The following BMP2K variants were observed in gnomAD, a reference collection of about 807,000 sequenced individuals.
BMP2K encodes BMP2 inducible kinase, also known as BMP-2-inducible protein kinase.
BMP2K carries 74 observed loss-of-function variants against 116.0 expected under a neutral mutation model. The observed-to-expected ratio is 0.64, with a 90% CI of 0.53 to 0.77. The LOEUF is 0.77. Among genes scored for constraint, BMP2K ranks in the 30% least tolerant of loss-of-function variants. The pLI is 0.00. For missense variants in BMP2K, 1,365 were observed against 1,403.6 expected, an observed-to-expected ratio of 0.97 and a Z score of 0.44; for synonymous variants, 486 against 502.5, an observed-to-expected ratio of 0.97 and a Z score of 0.44.
At chr4:78,819,058 A>G (rs980398614) in intron 1 of BMP2K, among the ~76,000 whole-genome samples, 1 of 152,166 alleles carries the variant, frequency 6.6e-6, no homozygotes. Context: ...ATGCCTGGTA[A>G]GTGAGTAGGC....
intron 1 of BMP2K, among the ~76,000 whole-genome samples, chr4:78,794,405 A>G (rs1164391528): frequency 6.6e-6 from 1 of 152,198 alleles, no homozygotes; most frequent in Non-Finnish European, 1.5e-5. Flanking sequence ...GTGGGAAAAT[A>G]TTCTGAATAC....
intron 14 of BMP2K, 75 bp downstream of exon 14, chr4:78,878,966 C>G: frequency 6.5e-7 from 1 of 1,545,472 alleles, no homozygotes; most frequent in Non-Finnish European, 8.7e-7. Flanking sequence ...AGGCCAAAGA[C>G]TTTTGAGAAT....
At chr4:78,898,049 C>T (rs1733796599) in intron 15 of BMP2K, among the ~76,000 whole-genome samples, 1 of 152,028 alleles carries the variant, frequency 6.6e-6, no homozygotes, top group Non-Finnish European at 1.5e-5. Flanking sequence ...TGGTTAAGCC[C>T]TGAGAAATGA....
At chr4:78,869,665 A>G (rs1349273793) in intron 10 of BMP2K, among the ~76,000 whole-genome samples, 3 of 152,218 alleles carry the variant, frequency 2.0e-5, no homozygotes, top group African/African-American at 4.8e-5. Flanking sequence ...CAATTAAAAA[A>G]TAAAAATTTT....
chr4:78,861,365 A>T (rs1480801100), intron 8 of BMP2K, 24 bp from the exon 9 acceptor site: 3 of 1,555,018 alleles, frequency 1.9e-6, no homozygotes, highest in Non-Finnish European at 2.6e-6. Flanking sequence ...CTAAAATGAG[A>T]CGTTTTATTT....
intron 1 of BMP2K, among the ~76,000 whole-genome samples, chr4:78,792,409 T>C (rs369617961): frequency 4.5e-4 from 68 of 152,372 alleles, no homozygotes; most frequent in African/African-American, 1.3e-3. Context: ...TTTGATTTCA[T>C]AGAATATCGT....
chr4:78,810,581 C>T (rs1394040069), intron 1 of BMP2K, among the ~76,000 whole-genome samples: 3 of 152,124 alleles, frequency 2.0e-5, no homozygotes, highest in Non-Finnish European at 4.4e-5. Flanking sequence ...GAGAATGGAG[C>T]TTTTCCAGGT....
chr4:78,905,858 G>A (rs1734257211), intron 15 of BMP2K, among the ~76,000 whole-genome samples: 1 of 151,856 alleles, frequency 6.6e-6, no homozygotes, highest in Admixed American at 6.6e-5. Context: ...AAGAAATGGA[G>A]TATGAAGGTT....
At chr4:78,811,195 A>G (rs1372604768) in intron 1 of BMP2K, among the ~76,000 whole-genome samples, 1 of 152,164 alleles carries the variant, frequency 6.6e-6, no homozygotes. Context: ...TTGTAGGGAT[A>G]CTTTAGATTA....
rs1006145351 is a variant in BMP2K, at chr4:78,776,350, A to G, written c.-194A>G. 2.4e-5 allele frequency: 8 copies of G among 336,084 alleles called. No homozygotes were observed. The highest frequency in any genetic ancestry group is 1.3e-4 in the African/African-American group (6 of 44,798). The allele number at this position is 336,084 out of a possible 1,614,324, so 20.8% of individuals were successfully genotyped here. On this transcript the variant is annotated 5_prime_UTR_variant, in exon 1 of 16. Transcript: ENST00000502613. ...CCACCGCCCTCTGCGGGAGCCGGGC[A>G]GCTGCAGCGGAGCCGCGGAGCGGGC... is the stretch of plus-strand genomic sequence containing the variant.
chr4:78,830,035 T>TG (rs1730134225), intron 2 of BMP2K, among the ~76,000 whole-genome samples: 1 of 151,812 alleles, frequency 6.6e-6, no homozygotes, highest in African/African-American at 2.4e-5. Flanking sequence ...CCACCATACC[T>TG]GGCTAATTTT....
rs1734550045 is a variant in BMP2K, at chr4:78,910,848, G to A, written c.2301G>A (p.Gly767=). Residue 767 remains glycine, a synonymous_variant, in exon 16 of 16, where the codon GGG becomes GGA. Coordinates refer to ENST00000502613, the MANE Select transcript of BMP2K (RefSeq NM_198892.2). ...AAGATGATGAAGAAGTTCTTCAGGG[G>A]GAACAAGGAGATTTTAATGATGATG... is the stretch of plus-strand genomic sequence containing the variant. ...EEQDDEEVLQ[G]EQGDFNDDDT... 2.5e-6 allele frequency: 4 copies of A among 1,613,948 alleles called. No individual in the cohort carries two copies. The highest frequency in any genetic ancestry group is 1.7e-6 in the Non-Finnish European group (2 of 1,179,878).
chr4:78,915,138 A>G lies in BMP2K; in HGVS notation c.*3105A>G, dbSNP rs544239823. ...AGTGTAATTATTTTCCCTTACCCCA[A>G]TCCCTGTGTACGTGTTGGGTATAGT... On this transcript the variant is annotated 3_prime_UTR_variant, in exon 16 of 16. Transcript: ENST00000502613. 2.0e-5 allele frequency: 3 copies of G among 152,076 alleles called. No homozygotes were observed. The South Asian group carries it at 6.2e-4, about 31-fold the overall frequency. The allele number at this position is 152,076 out of a possible 1,614,324, so 9.4% of individuals were successfully genotyped here. A position where few individuals can be genotyped will look rare whatever the true frequency, so the allele number is the denominator to read the frequency against.
At chr4:78,831,465 CT>C (rs1049620403) in intron 2 of BMP2K, among the ~76,000 whole-genome samples, 2 of 152,210 alleles carry the variant, frequency 1.3e-5, no homozygotes, top group Non-Finnish European at 2.9e-5. Flanking sequence ...CAAAGTACCA[CT>C]TTTTAAAAAT....
chr4:78,869,543 A>C (rs1732227704), intron 10 of BMP2K, among the ~76,000 whole-genome samples: 1 of 152,214 alleles, frequency 6.6e-6, no homozygotes, highest in Non-Finnish European at 1.5e-5. Flanking sequence ...CACACAAAAA[A>C]ATGACAATGC....
At chr4:78,873,136 T>G (rs1234262668) in intron 13 of BMP2K, among the ~76,000 whole-genome samples, 1 of 152,254 alleles carries the variant, frequency 6.6e-6, no homozygotes, top group African/African-American at 2.4e-5. Context: ...AAAATCCTTG[T>G]AGACTTTCTC....
intron 15 of BMP2K, among the ~76,000 whole-genome samples, chr4:78,908,469 T>C (rs1376813008): frequency 6.6e-6 from 1 of 152,244 alleles, no homozygotes; most frequent in Non-Finnish European, 1.5e-5. Flanking sequence ...CTCTGCTGAC[T>C]TCTGAATGTT....
chr4:78,856,260 C>T (rs1463898860), intron 7 of BMP2K, among the ~76,000 whole-genome samples: 1 of 152,024 alleles, frequency 6.6e-6, no homozygotes, highest in Non-Finnish European at 1.5e-5. Flanking sequence ...TCATAGCTCA[C>T]TGCAGTCTTG....
chr4:78,899,760 T>C, intron 15 of BMP2K, among the ~76,000 whole-genome samples: 1 of 152,084 alleles, frequency 6.6e-6, no homozygotes, highest in Non-Finnish European at 1.5e-5. Flanking sequence ...CATTTAGTAA[T>C]TATTTTATCT....
Sources: allele counts gnomAD v4.1 joint callset (sites outside exome capture counted in the v4.1 genomes callset), GRCh38; gene constraint gnomAD v4.1.1; transcripts MANE v1.5; gene names NCBI Gene and HGNC (gene_info 2026-07-23, HGNC 2026-07-21).